Variants in ROBO2 observed in about 807,000 individuals in gnomAD.
ROBO2 encodes roundabout guidance receptor 2, also known as roundabout homolog 2.
Under a neutral mutation model 160.8 loss-of-function variants are expected in ROBO2, and 53 were observed. The observed-to-expected ratio is 0.33, with a 90% CI of 0.26 to 0.41. The LOEUF (loss-of-function observed/expected upper bound fraction) is 0.41, where lower values mean the gene tolerates loss of function less well. Ranked by LOEUF, ROBO2 falls within the 10% of genes least tolerant of loss-of-function variation. The pLI, the probability that ROBO2 is intolerant of heterozygous loss-of-function variation, is 1.00. For missense variants in ROBO2, 1,577 were observed against 1,722.4 expected (o/e 0.92, Z 1.49); for synonymous variants, 664 against 611.7 (o/e 1.09, Z -1.26).
intron 2 of ROBO2, among the ~76,000 whole-genome samples, chr3:76,177,527 A>G (rs575823928): frequency 3.1e-4 from 47 of 152,294 alleles, no homozygotes; most frequent in African/African-American, 1.1e-3. Context: ...TTGATTAGAA[A>G]ATACGAGGCT....
At position 77,530,058 on chromosome 3, in the gene ROBO2, T is replaced by C. The variant is rs1234342694; in HGVS notation, c.934+7156T>C. Among the ~76,000 whole-genome samples, 3 of 151,898 alleles carry C rather than the reference T, an allele frequency of 2.0e-5. No individual in the cohort carries two copies. The East Asian group carries it at 5.8e-4, about 29-fold the overall frequency. On this transcript the variant is annotated intron_variant, in intron 6 of 25. Transcript: ENST00000461745. Reference sequence around the variant, plus strand: ...ATATTAAAATCATAGAAAAACTACATTATTATTTATATTTGTTAATGCACT... The same window carrying C: ...ATATTAAAATCATAGAAAAACTACACTATTATTTATATTTGTTAATGCACT...
intron 2 of ROBO2, among the ~76,000 whole-genome samples, chr3:76,943,430 C>A (rs563858571): frequency 7.9e-5 from 12 of 152,268 alleles, no homozygotes; most frequent in East Asian, 7.7e-4. Flanking sequence ...TTTCAGCCTG[C>A]CTTTAATGAT....
intron 2 of ROBO2, among the ~76,000 whole-genome samples, chr3:76,214,009 G>C (rs1703327723): frequency 6.6e-6 from 1 of 152,084 alleles, no homozygotes; most frequent in Non-Finnish European, 1.5e-5. Flanking sequence ...ACGTCTTCCA[G>C]AAGCACCCTC....
At chr3:76,048,730 A>G (rs2067539337) in intron 2 of ROBO2, among the ~76,000 whole-genome samples, 1 of 152,222 alleles carries the variant, frequency 6.6e-6, no homozygotes, top group Non-Finnish European at 1.5e-5. Context: ...ACACATGTGC[A>G]TCAGGGCACA....
At chr3:75,923,462 TG>T (rs1184842332) in intron 1 of ROBO2, among the ~76,000 whole-genome samples, 2 of 152,194 alleles carry the variant, frequency 1.3e-5, no homozygotes, top group Non-Finnish European at 2.9e-5. Flanking sequence ...GACCAGAAGT[TG>T]GAAAATACTA....
intron 2 of ROBO2, among the ~76,000 whole-genome samples, chr3:77,190,755 T>C (rs1288350845): frequency 6.6e-6 from 1 of 152,098 alleles, no homozygotes; most frequent in Non-Finnish European, 1.5e-5. Flanking sequence ...CCTGGACTCC[T>C]GGTCTATGAG....
chr3:76,931,556 T>TCACACAC, intron 2 of ROBO2, among the ~76,000 whole-genome samples: 1 of 150,484 alleles, frequency 6.6e-6, no homozygotes, highest in East Asian at 2.0e-4. Flanking sequence ...ATAAGACACA[T>TCACACAC]ACACACACAC....
At chr3:76,264,608 A>G (rs1049771619) in intron 2 of ROBO2, among the ~76,000 whole-genome samples, 1 of 152,126 alleles carries the variant, frequency 6.6e-6, no homozygotes, top group Non-Finnish European at 1.5e-5. Context: ...TGAAATAGTT[A>G]CAGATTCATA....
chr3:76,829,089 G>A (rs1466391044), intron 2 of ROBO2, among the ~76,000 whole-genome samples: 3 of 151,972 alleles, frequency 2.0e-5, no homozygotes. Flanking sequence ...CATCTGAGTA[G>A]TTCCATTCCA....
chr3:77,360,261 C>G (rs192816620), intron 2 of ROBO2, among the ~76,000 whole-genome samples: 91 of 151,148 alleles, frequency 6.0e-4, no homozygotes, highest in African/African-American at 2.1e-3. Context: ...AACCCCCCCC[C>G]CAAATTTAGA....
chr3:75,937,354 G>A (rs1312136051), intron 1 of ROBO2: 2 of 402,112 alleles, frequency 5.0e-6, no homozygotes, highest in Non-Finnish European at 8.6e-6. Flanking sequence ...ATTTTCAAAT[G>A]TACCTCCTTG....
chr3:76,135,214 G>T (rs1361669769), intron 2 of ROBO2, among the ~76,000 whole-genome samples: 1 of 152,010 alleles, frequency 6.6e-6, no homozygotes, highest in African/African-American at 2.4e-5. Flanking sequence ...AGGGGCAGGG[G>T]AATCTGATCC....
chr3:77,258,040 A>G (rs2058534146), intron 2 of ROBO2, among the ~76,000 whole-genome samples: 2 of 152,364 alleles, frequency 1.3e-5, no homozygotes, highest in Admixed American at 6.5e-5. Context: ...GTGTATGAAA[A>G]AGAGTATTGA....
At chr3:76,867,735 C>A (rs371306186) in intron 2 of ROBO2, among the ~76,000 whole-genome samples, 1 of 152,150 alleles carries the variant, frequency 6.6e-6, no homozygotes, top group Non-Finnish European at 1.5e-5. Flanking sequence ...CTTGTTGATT[C>A]TCTCCTCGAA....
At chr3:77,366,897 C>T (rs2070976161) in intron 2 of ROBO2, among the ~76,000 whole-genome samples, 1 of 151,548 alleles carries the variant, frequency 6.6e-6, no homozygotes, top group Non-Finnish European at 1.5e-5. Flanking sequence ...CACAGCACCC[C>T]CCCGACACTC....
intron 2 of ROBO2, among the ~76,000 whole-genome samples, chr3:76,817,712 C>T (rs150054380): frequency 6.1e-4 from 92 of 151,986 alleles, no homozygotes; most frequent in African/African-American, 2.2e-3. Flanking sequence ...ATCCTCACAG[C>T]TTAGCTCCGA....
At chr3:76,508,033 C>A (rs552548645) in intron 2 of ROBO2, among the ~76,000 whole-genome samples, 19 of 152,242 alleles carry the variant, frequency 1.2e-4, no homozygotes, top group African/African-American at 4.6e-4. Flanking sequence ...AAAGTAAAAT[C>A]ATATGAAATA....
chr3:76,597,558 A>G (rs1337839427), intron 2 of ROBO2, among the ~76,000 whole-genome samples: 1 of 152,174 alleles, frequency 6.6e-6, no homozygotes, highest in Non-Finnish European at 1.5e-5. Flanking sequence ...AATGAGGTTC[A>G]CTACACACCT....
intron 2 of ROBO2, among the ~76,000 whole-genome samples, chr3:75,976,941 A>G (rs1054540049): frequency 7.9e-5 from 12 of 151,600 alleles, no homozygotes; most frequent in African/African-American, 2.9e-4. Flanking sequence ...TGGTTGCCTT[A>G]AAAGTTATGT....
Sources: gnomAD v4.1 joint callset for allele counts (sites outside exome capture counted in the v4.1 genomes callset) on GRCh38, gnomAD v4.1.1 for gene constraint, MANE v1.5 for transcripts, NCBI Gene and HGNC (gene_info 2026-07-23, HGNC 2026-07-21) for gene names.